Variants in IL1RAPL1 observed in about 807,000 individuals in gnomAD.
IL1RAPL1 encodes interleukin 1 receptor accessory protein like 1.
In IL1RAPL1, 3 loss-of-function variants were observed where a neutral mutation model predicts 48.4. The ratio of observed to expected loss-of-function variants is 0.06; its 90% CI spans 0.03 to 0.16. The LOEUF (loss-of-function observed/expected upper bound fraction) is 0.16. Ranked by LOEUF, IL1RAPL1 falls within the 10% of genes least tolerant of loss-of-function variation. IL1RAPL1 has a pLI of 1.00. For synonymous variants in IL1RAPL1, 185 were observed against 187.7 expected, an observed-to-expected ratio of 0.99 and a Z score of 0.12; for missense variants, 349 against 530.6, an observed-to-expected ratio of 0.66 and a Z score of 3.36.
chrX:28,964,338 A>G (rs750821521), intron 2 of IL1RAPL1, among the ~76,000 whole-genome samples: 17 of 111,695 alleles, frequency 1.5e-4, no homozygotes, highest in African/African-American at 4.2e-4. Context: ...AATCATATCA[A>G]TGTGTCTCTG....
chrX:29,721,343 A>G (rs760809955), intron 6 of IL1RAPL1, among the ~76,000 whole-genome samples: 2 of 111,929 alleles, frequency 1.8e-5, no homozygotes, highest in Non-Finnish European at 3.8e-5. Context: ...TCCAGCACCC[A>G]GGACAGAGCC....
intron 2 of IL1RAPL1, among the ~76,000 whole-genome samples, chrX:29,281,692 A>G (rs981221474): frequency 3.6e-5 from 4 of 111,969 alleles, no homozygotes; most frequent in African/African-American, 1.3e-4. Flanking sequence ...GTTTGGGTCC[A>G]GTTAGAGAAA....
intron 5 of IL1RAPL1, among the ~76,000 whole-genome samples, chrX:29,496,295 A>C (rs1935212271): frequency 9.1e-6 from 1 of 110,247 alleles, no homozygotes; most frequent in Non-Finnish European, 1.9e-5. Flanking sequence ...CCCCATCCAA[A>C]TCTCATGTTG....
At chrX:29,723,241 GTTTGTTTTGT>G (rs974867262) in intron 6 of IL1RAPL1, among the ~76,000 whole-genome samples, 1 of 111,733 alleles carries the variant, frequency 8.9e-6, no homozygotes, top group East Asian at 2.8e-4. Context: ...AACTCTGCAT[GTTTGTTTTGT>G]TTTGTTTTGT....
At chrX:29,161,357 T>C (rs1363572731) in intron 2 of IL1RAPL1, among the ~76,000 whole-genome samples, 1 of 111,808 alleles carries the variant, frequency 8.9e-6, no homozygotes, top group Non-Finnish European at 1.9e-5. Flanking sequence ...ATAGGTATCA[T>C]AATCAAGGAA....
intron 1 of IL1RAPL1, among the ~76,000 whole-genome samples, chrX:28,616,055 C>T (rs1192574213): frequency 8.9e-6 from 1 of 112,576 alleles, no homozygotes. Context: ...TCCAATTCCT[C>T]GTTTTTATTA....
chrX:29,006,880 A>G lies in IL1RAPL1; in HGVS notation c.82+217455A>G, dbSNP rs192954868. Among the ~76,000 whole-genome samples the G allele has an allele frequency of 7.1e-4, 79 of 110,847 alleles. No homozygotes were observed. In the Middle Eastern group the frequency reaches 0.014, roughly 19 times the overall value. ...ATTTATAAAATGCATATATTCATTC[A>G]TTGTTAATAGTAATAAAATATATAG... On this transcript the variant is annotated intron_variant, in intron 2 of 10. Coordinates refer to ENST00000378993, the MANE Select transcript of IL1RAPL1 (RefSeq NM_014271.4).
chrX:29,169,106 T>G (rs1929861920), intron 2 of IL1RAPL1, among the ~76,000 whole-genome samples: 1 of 108,917 alleles, frequency 9.2e-6, no homozygotes. Context: ...CTACTGTGAA[T>G]AGTGCTGCAA....
chrX:29,228,216 AC>A, intron 2 of IL1RAPL1, among the ~76,000 whole-genome samples: 1 of 68,141 alleles, frequency 1.5e-5, no homozygotes, highest in African/African-American at 4.8e-5. Flanking sequence ...ACACACACAC[AC>A]ACACACAACT....
intron 2 of IL1RAPL1, among the ~76,000 whole-genome samples, chrX:28,959,370 T>C (rs1924706438): frequency 9.0e-6 from 1 of 111,410 alleles, no homozygotes; most frequent in African/African-American, 3.3e-5. Context: ...TAAATGGAAA[T>C]TCATTGGAAT....
intron 5 of IL1RAPL1, among the ~76,000 whole-genome samples, chrX:29,548,611 G>C (rs1921706229): frequency 8.9e-6 from 1 of 111,794 alleles, no homozygotes; most frequent in African/African-American, 3.2e-5. Context: ...ATATTTATCA[G>C]CATGAATCTT....
At chrX:28,624,760 C>T (rs763799587) in intron 1 of IL1RAPL1, among the ~76,000 whole-genome samples, 7 of 111,943 alleles carry the variant, frequency 6.3e-5, no homozygotes, top group Admixed American at 4.8e-4. Flanking sequence ...ATCCTTTTAG[C>T]TGTTTTGTGT....
At chrX:29,834,354 T>C (rs1051494870) in intron 6 of IL1RAPL1, among the ~76,000 whole-genome samples, 6 of 111,848 alleles carry the variant, frequency 5.4e-5, no homozygotes, top group Non-Finnish European at 1.1e-4. Flanking sequence ...TACCGATGAC[T>C]CTAGTAGTGA....
rs746110646 is a variant in IL1RAPL1, at chrX:28,853,375, T to C, written c.82+63950T>C. On this transcript the variant is annotated intron_variant, in intron 2 of 10. Coordinates refer to ENST00000378993, the MANE Select transcript of IL1RAPL1 (RefSeq NM_014271.4). Reference sequence around the variant, plus strand: ...TTATCTACCTCTCTTATGAATTAAGTGTAGAAACATTGTGAGGAGCAGGGC... The same window carrying C: ...TTATCTACCTCTCTTATGAATTAAGCGTAGAAACATTGTGAGGAGCAGGGC... Among the ~76,000 whole-genome samples the C allele has an allele frequency of 6.3e-5, 7 of 111,255 alleles. No homozygotes were observed. The South Asian group carries it at 2.6e-3, about 42-fold the overall frequency.
At chrX:29,406,314 G>C (rs1184557893) in intron 5 of IL1RAPL1, among the ~76,000 whole-genome samples, 3 of 110,191 alleles carry the variant, frequency 2.7e-5, no homozygotes, top group Admixed American at 9.7e-5. Flanking sequence ...GCGTGAACCT[G>C]GGAGGCAGAG....
chrX:28,870,770 C>G (rs931023472), intron 2 of IL1RAPL1, among the ~76,000 whole-genome samples: 4 of 111,311 alleles, frequency 3.6e-5, no homozygotes, highest in African/African-American at 1.3e-4. Flanking sequence ...ACTAACCCCT[C>G]TATTAACTAA....
intron 2 of IL1RAPL1, among the ~76,000 whole-genome samples, chrX:29,177,908 G>A (rs1357144746): frequency 8.9e-6 from 1 of 111,738 alleles, no homozygotes; most frequent in Non-Finnish European, 1.9e-5. Context: ...CTATGTCCCT[G>A]CAAAGGACAT....
intron 9 of IL1RAPL1, among the ~76,000 whole-genome samples, chrX:29,952,787 T>C (rs1409141009): frequency 1.8e-5 from 2 of 112,506 alleles, no homozygotes; most frequent in African/African-American, 3.2e-5. Flanking sequence ...TTTGGTATGA[T>C]TGTTTTTCTT....
chrX:29,206,290 AT>A (rs1930664187), intron 2 of IL1RAPL1, among the ~76,000 whole-genome samples: 1 of 111,715 alleles, frequency 9.0e-6, no homozygotes, highest in Admixed American at 9.6e-5. Flanking sequence ...AAAGAAAATA[AT>A]TTTATCAGTT....
Sources: allele counts gnomAD v4.1 joint callset (sites outside exome capture counted in the v4.1 genomes callset), GRCh38; gene constraint gnomAD v4.1.1; transcripts MANE v1.5; gene names NCBI Gene and HGNC (gene_info 2026-07-23, HGNC 2026-07-21).